Variants in UNC13B observed in about 807,000 individuals in gnomAD.
The protein encoded by UNC13B is unc-13 homolog B, also known as protein unc-13 homolog B.
In UNC13B, 144 loss-of-function variants were observed where a neutral mutation model predicts 211.0. The ratio of observed to expected loss-of-function variants is 0.68; its 90% CI spans 0.60 to 0.78. UNC13B has a LOEUF of 0.78. Ranked by LOEUF, UNC13B falls within the 30% of genes least tolerant of loss-of-function variation. The pLI is 0.00. For missense variants in UNC13B, 1,777 were observed against 2,002.0 expected, an observed-to-expected ratio of 0.89 and a Z score of 2.14; for synonymous variants, 709 against 725.8, an observed-to-expected ratio of 0.98 and a Z score of 0.37.
In UNC13B at chr9:35,403,769, G is replaced by T; in HGVS notation, c.12759G>T (p.Gly4253=). The T allele has an allele frequency of 6.2e-7, 1 of 1,614,158 alleles. No individual in the cohort carries two copies. Among genetic ancestry groups the T allele is most frequent in the Non-Finnish European group, 8.5e-7 (1 of 1,180,026 alleles). The change falls in exon 40 of 40, where the codon GGG becomes GGT. Residue 4253 remains glycine, a synonymous_variant. Coordinates refer to ENST00000635942, the MANE Select transcript of UNC13B (RefSeq NM_001371189.2). The part of the protein sequence containing the change: ...TFHFLLGNEE[G]PESYELQICV... Reference sequence around the variant, plus strand: ...ACAGCCTCCTGGGAAATGAGGAGGGGCCCGAGTCCTATGAGTTGCAGATAT... The same window carrying T: ...ACAGCCTCCTGGGAAATGAGGAGGGTCCCGAGTCCTATGAGTTGCAGATAT...
chr9:35,163,828 T>C (rs887782928), intron 1 of UNC13B, among the ~76,000 whole-genome samples: 2 of 152,236 alleles, frequency 1.3e-5, no homozygotes, highest in Non-Finnish European at 2.9e-5. Context: ...AATGTTACTT[T>C]AGTGAAGTTT....
At chr9:35,314,874 CTTTTTTTTTTTT>C (rs765803997) in intron 11 of UNC13B, among the ~76,000 whole-genome samples, 19 of 57,760 alleles carry the variant, frequency 3.3e-4, no homozygotes, top group Non-Finnish European at 5.4e-4. Context: ...GATTCCGTAT[CTTTTTTTTTTTT>C]TTTTTTTTTT....
rs1183783299 is a variant in UNC13B at position 35,295,738 on chromosome 9, A to G, written c.569A>G (p.Asp190Gly). 6.2e-7 allele frequency: 1 copy of G among 1,613,948 alleles called. No individual in the cohort carries two copies. Among genetic ancestry groups the G allele is most frequent in the African/African-American group, 1.3e-5 (1 of 74,848 alleles). Reference protein sequence around the residue: ...PDSAVDDRDSDYRSETSNSFP... With the variant: ...PDSAVDDRDSGYRSETSNSFP... Reference sequence around the variant, plus strand: ...AGTGCCGTCGATGACCGAGATAGTGACTATCGCAGTGAGACCAGCAACAGC... The same window carrying G: ...AGTGCCGTCGATGACCGAGATAGTGGCTATCGCAGTGAGACCAGCAACAGC... The change falls in exon 8 of 40, where the codon GAC (aspartate) becomes GGC (glycine). Residue 190 changes from aspartate to glycine, a missense_variant. By Grantham distance (94) the Asp-to-Gly change is moderately conservative (BLOSUM62 -1). Transcript: ENST00000635942.
intron 21 of UNC13B, among the ~76,000 whole-genome samples, chr9:35,382,905 G>A (rs1009391447): frequency 2.0e-5 from 3 of 152,128 alleles, no homozygotes; most frequent in East Asian, 1.9e-4. Flanking sequence ...GTTACTTGAT[G>A]TGCTTAAAAT....
intron 37 of UNC13B, among the ~76,000 whole-genome samples, chr9:35,402,282 CTTTTTTTTT>C (rs1168729927): frequency 1.5e-5 from 2 of 136,884 alleles, no homozygotes; most frequent in Non-Finnish European, 3.2e-5. Flanking sequence ...TTCTTTTTTT[CTTTTTTTTT>C]TTTTTTTTGA....
In UNC13B at chr9:35,371,117, C is replaced by G. The variant is rs866479341; in HGVS notation, c.9540+721C>G. On this transcript the variant is annotated intron_variant, in intron 13 of 39. Coordinates refer to ENST00000635942, the MANE Select transcript of UNC13B (RefSeq NM_001371189.2). ...TGTAAGGATTCAGTTAAATGTGAACCCTTTTCCCTTATTACCATTTTCTGT... is the reference window on the plus strand; with the variant it reads ...TGTAAGGATTCAGTTAAATGTGAACGCTTTTCCCTTATTACCATTTTCTGT... Among the ~76,000 whole-genome samples, 67 of 152,116 alleles carry G rather than the reference C, an allele frequency of 4.4e-4. 1 individual carries two copies. Among genetic ancestry groups the G allele is most frequent in the African/African-American group, 1.6e-3 (66 of 41,482 alleles).
intron 7 of UNC13B, among the ~76,000 whole-genome samples, chr9:35,288,210 C>T (rs978706188): frequency 1.3e-5 from 2 of 152,140 alleles, no homozygotes; most frequent in Non-Finnish European, 2.9e-5. Context: ...CCTTTCTACC[C>T]AACCAACCAC....
In UNC13B at chr9:35,307,741, T is replaced by C; in HGVS notation, c.8337T>C (p.Ser2779=). The C allele has an allele frequency of 2.5e-6, 1 of 399,050 alleles. No individual in the cohort carries two copies. Among genetic ancestry groups the C allele is most frequent in the Non-Finnish European group, 4.4e-6 (1 of 226,096 alleles). The allele number at this position is 399,050 out of a possible 1,614,324, so 24.7% of individuals were successfully genotyped here. ...TTWPKLRLPS[S]ATNHGKPLSS... is the part of the protein sequence containing the mutation. ...GGCCAAAGCTTCGTTTGCCATCCTC[T>C]GCTACTAACCATGGGAAACCACTGA... Residue 2779 remains serine (S), a synonymous_variant, in exon 9 of 40, where the codon TCT becomes TCC. Transcript: ENST00000635942.
chr9:35,368,848 T>A (rs974470926), intron 12 of UNC13B, among the ~76,000 whole-genome samples: 1 of 152,188 alleles, frequency 6.6e-6, no homozygotes, highest in Non-Finnish European at 1.5e-5. Context: ...GAGATACATA[T>A]TGTAGTTTCT....
At chr9:35,362,576 G>A (rs1429859835) in intron 11 of UNC13B, among the ~76,000 whole-genome samples, 4 of 152,116 alleles carry the variant, frequency 2.6e-5, no homozygotes, top group African/African-American at 7.2e-5. Flanking sequence ...TTGGGAGGCC[G>A]AGGTGGGCGG....
At position 35,398,257 on chromosome 9, in the gene UNC13B, A is replaced by G. The variant is rs1252068585; in HGVS notation, c.11801A>G (p.Glu3934Gly). 1.2e-6 allele frequency: 2 copies of G among 1,613,880 alleles called. No homozygotes were observed. Among genetic ancestry groups the G allele is most frequent in the Admixed American group, 3.3e-5 (2 of 59,994 alleles). The change falls in exon 31 of 40, where the codon GAG becomes GGG. Residue 3934 changes from glutamate to glycine, a missense_variant. Transcript: ENST00000635942. ...GTGCAGCAACTGAGGGTCCAGCTGG[A>G]GAAAATGTTTGAGGCCATGGGAGGC... The part of the protein sequence containing the change: ...NNVQQLRVQL[E>G]KMFEAMGGKE...
chr9:35,328,961 T>C (rs1054928135), intron 11 of UNC13B, among the ~76,000 whole-genome samples: 6 of 151,552 alleles, frequency 4.0e-5, no homozygotes, highest in East Asian at 1.9e-4. Flanking sequence ...TTAGTAGAGA[T>C]GGGGTTTCAC....
At chr9:35,265,950 G>A (rs913007261) in intron 7 of UNC13B, among the ~76,000 whole-genome samples, 3 of 151,980 alleles carry the variant, frequency 2.0e-5, no homozygotes, top group African/African-American at 4.8e-5. Flanking sequence ...CTCAGCCTCC[G>A]AGTAGCTGGG....
chr9:35,389,785 C>A (rs1398227311), intron 24 of UNC13B, 61 bp from the exon 25 acceptor site: 33 of 1,571,068 alleles, frequency 2.1e-5, no homozygotes, highest in Admixed American at 5.0e-5. Flanking sequence ...TCGTTGGAGA[C>A]ACCCTCTACA....
chr9:35,202,522 T>C (rs1823371672), intron 1 of UNC13B, among the ~76,000 whole-genome samples: 1 of 152,200 alleles, frequency 6.6e-6, no homozygotes, highest in Non-Finnish European at 1.5e-5. Flanking sequence ...GCTTTATGAA[T>C]CTGGGTGCTC....
chr9:35,221,588 T>G (rs1248071380), intron 1 of UNC13B, among the ~76,000 whole-genome samples: 2 of 152,254 alleles, frequency 1.3e-5, no homozygotes, highest in East Asian at 1.9e-4. Context: ...TTTAACTTGA[T>G]GTGATCCTAT....
At chr9:35,353,156 C>G in intron 11 of UNC13B, 1 of 1,232,100 alleles carries the variant, frequency 8.1e-7, no homozygotes, top group Non-Finnish European at 1.0e-6. Flanking sequence ...TCATATTGAC[C>G]TGAATGAAGA....
chr9:35,311,702 A>G (rs1468402777), intron 10 of UNC13B, among the ~76,000 whole-genome samples: 1 of 152,128 alleles, frequency 6.6e-6, no homozygotes, highest in Non-Finnish European at 1.5e-5. Flanking sequence ...TTTGGTGAAC[A>G]TTTTGTTTTG....
chr9:35,370,177 T>C (rs1834024860), intron 12 of UNC13B, 141 bp from the exon 13 acceptor site: 2 of 622,592 alleles, frequency 3.2e-6, no homozygotes, highest in African/African-American at 1.8e-5. Context: ...TTTCTGTCTT[T>C]CCTTCCCGTC....
Sources: allele counts gnomAD v4.1 joint callset (sites outside exome capture counted in the v4.1 genomes callset), GRCh38; gene constraint gnomAD v4.1.1; transcripts MANE v1.5; gene names NCBI Gene and HGNC (gene_info 2026-07-23, HGNC 2026-07-21).